The following CC2D2B variants were observed in gnomAD, a reference collection of about 807,000 sequenced individuals.
The protein encoded by CC2D2B is protein CC2D2B.
A neutral mutation model predicts 161.2 loss-of-function variants in CC2D2B; 128 were observed. That is an observed-to-expected ratio of 0.79 (90% CI 0.69 to 0.92). CC2D2B has a LOEUF of 0.92. CC2D2B is among the 40% of genes least tolerant of loss of function. CC2D2B has a pLI of 0.00. For synonymous variants in CC2D2B, 391 were observed against 449.8 expected (o/e 0.87, Z 1.65); for missense variants, 1,173 against 1,375.1 (o/e 0.85, Z 2.32).
At chr10:96,025,170 T>TAAAAAAAAAAAAAAAAAAAAA (rs1564683762) in intron 33 of CC2D2B, among the ~76,000 whole-genome samples, 1 of 19,314 alleles carries the variant, frequency 5.2e-5, no homozygotes, top group Admixed American at 7.0e-4. Context: ...TATATATATA[T>TAAAAAAAAAAAAAAAAAAAAA]ATATATATAT....
rs1466619310 is a variant in CC2D2B, at chr10:95,934,448, A to AG, written c.337-3543_337-3542insG. On this transcript the variant is annotated intron_variant, in intron 6 of 34. Transcript: ENST00000646931. ...CACCACTGGGGTATGAAAAAAAAAAAACAAACAAACAAACAAAAAAACCTC... is the reference window on the plus strand; with the variant it reads ...CACCACTGGGGTATGAAAAAAAAAAAGACAAACAAACAAACAAAAAAACCTC... Among the ~76,000 whole-genome samples, 5 of 146,564 alleles carry AG rather than the reference A, an allele frequency of 3.4e-5. No individual in the cohort carries two copies. The East Asian group carries it at 9.9e-4, about 29-fold the overall frequency.
intron 32 of CC2D2B, 107 bp downstream of exon 32, chr10:96,019,931 A>G (rs2079380600): frequency 2.0e-6 from 2 of 999,728 alleles, no homozygotes; most frequent in Non-Finnish European, 2.8e-6. Context: ...GGTTACTGAA[A>G]TATTTGGCAA....
intron 30 of CC2D2B, among the ~76,000 whole-genome samples, chr10:96,017,711 G>C (rs1310267929): frequency 6.6e-6 from 1 of 152,054 alleles, no homozygotes; most frequent in Non-Finnish European, 1.5e-5. Context: ...AGGGAGGATT[G>C]CTTGAGCTCA....
chr10:96,009,888 G>A lies in CC2D2B; in HGVS notation c.3010G>A (p.Val1004Ile). The A allele has an allele frequency of 6.2e-7, 1 of 1,610,022 alleles. No homozygotes were observed. Among genetic ancestry groups the A allele is most frequent in the Non-Finnish European group, 8.5e-7 (1 of 1,177,262 alleles). Reference protein sequence around the residue: ...YIRKNWLGCIVFPFSALLQQS... With the variant: ...YIRKNWLGCIIFPFSALLQQS... ...AAGAAAGAATTGGCTTGGATGCATTGTCTTCCCTTTTTCTGCTCTTCTGCA... is the reference window on the plus strand; with the variant it reads ...AAGAAAGAATTGGCTTGGATGCATTATCTTCCCTTTTTCTGCTCTTCTGCA... The change falls in exon 26 of 35, where the codon GTC becomes ATC. Residue 1004 changes from valine to isoleucine, a missense_variant. Physicochemically the swap from Val to Ile is conservative, Grantham distance 29 (BLOSUM62 3). This residue lies in a region of CC2D2B where 598 missense variants were observed against 693.2 expected (regional missense o/e 0.86). Transcript: ENST00000646931.
intron 24 of CC2D2B, among the ~76,000 whole-genome samples, chr10:95,998,964 C>T (rs1291960096): frequency 6.6e-6 from 1 of 152,064 alleles, no homozygotes; most frequent in Non-Finnish European, 1.5e-5. Flanking sequence ...GCCTGTAATC[C>T]CAGCTACTTG....
intron 17 of CC2D2B, among the ~76,000 whole-genome samples, chr10:95,977,019 G>A (rs943292185): frequency 2.0e-5 from 3 of 152,096 alleles, no homozygotes; most frequent in African/African-American, 7.2e-5. Flanking sequence ...CAAAGTGTTG[G>A]GATTACAGGC....
chr10:95,916,819 T>C (rs943251471), intron 2 of CC2D2B, among the ~76,000 whole-genome samples: 1 of 152,216 alleles, frequency 6.6e-6, no homozygotes, highest in African/African-American at 2.4e-5. Flanking sequence ...ATATGGTCTA[T>C]TCTTGAGCAT....
In CC2D2B at chr10:96,025,190, A is replaced by AT. The variant is rs1564684381; in HGVS notation, c.3947+279_3947+280insT. On this transcript the variant is annotated intron_variant, in intron 33 of 34. Coordinates refer to ENST00000646931, the MANE Select transcript of CC2D2B (RefSeq NM_001349008.3). The stretch of plus-strand genomic sequence containing the variant: ...ATATATATATATATATATATAAAAA[A>AT]AAATATATATATATATATATATATA... Among the ~76,000 whole-genome samples, 282 of 52,900 alleles carry AT rather than the reference A, an allele frequency of 5.3e-3. 12 individuals are homozygous for AT. Among genetic ancestry groups the AT allele is most frequent in the East Asian group, 0.047 (57 of 1,224 alleles). 34.7% of individuals were successfully genotyped at this position (52,900 alleles called of 152,430 possible).
At chr10:96,018,892 G>A (rs2079326118) in intron 30 of CC2D2B, 1 of 195,944 alleles carries the variant, frequency 5.1e-6, no homozygotes, top group Admixed American at 5.6e-5. Context: ...CAACTCCTCA[G>A]GCTCAAGCGA....
At chr10:95,926,229 T>A (rs1205776194) in intron 5 of CC2D2B, among the ~76,000 whole-genome samples, 1 of 152,092 alleles carries the variant, frequency 6.6e-6, no homozygotes, top group Non-Finnish European at 1.5e-5. Flanking sequence ...TCAAGGTCAA[T>A]CCATTGAGTA....
At chr10:95,930,962 A>T (rs1265637319) in intron 6 of CC2D2B, among the ~76,000 whole-genome samples, 1 of 152,208 alleles carries the variant, frequency 6.6e-6, no homozygotes, top group East Asian at 1.9e-4. Flanking sequence ...AGGGAATGAT[A>T]TCAGCTCCTC....
chr10:95,978,459 C>T (rs1249490204), intron 17 of CC2D2B, among the ~76,000 whole-genome samples: 1 of 152,174 alleles, frequency 6.6e-6, no homozygotes, highest in African/African-American at 2.4e-5. Context: ...CAGGGCTCAA[C>T]AACTCTCCTG....
chr10:96,004,476 A>G (rs1048547692), intron 25 of CC2D2B, among the ~76,000 whole-genome samples: 2 of 152,222 alleles, frequency 1.3e-5, no homozygotes, highest in African/African-American at 4.8e-5. Flanking sequence ...AATATTATCA[A>G]GAACTTGGGA....
At chr10:95,917,323 C>T (rs891519747) in intron 2 of CC2D2B, among the ~76,000 whole-genome samples, 1 of 152,076 alleles carries the variant, frequency 6.6e-6, no homozygotes, top group Non-Finnish European at 1.5e-5. Context: ...ATCCGTTCAG[C>T]CACTCTATGT....
At chr10:95,945,117 T>C (rs557794278) in intron 9 of CC2D2B, among the ~76,000 whole-genome samples, 2 of 152,348 alleles carry the variant, frequency 1.3e-5, no homozygotes, top group East Asian at 3.9e-4. Context: ...TGTGGTGTCT[T>C]AATCTTGGAC....
chr10:96,025,168 T>TATATAAAAAAAAAAAA (rs1564683746), intron 33 of CC2D2B, among the ~76,000 whole-genome samples: 6 of 12,522 alleles, frequency 4.8e-4, no homozygotes, highest in Non-Finnish European at 7.5e-4. Context: ...TATATATATA[T>TATATAAAAAAAAAAAA]ATATATATAT....
intron 11 of CC2D2B, among the ~76,000 whole-genome samples, chr10:95,959,019 A>G (rs1564618925): frequency 6.6e-6 from 1 of 152,204 alleles, no homozygotes; most frequent in Non-Finnish European, 1.5e-5. Context: ...GAACATTACT[A>G]TAGATGCTGT....
At chr10:95,967,913 A>C (rs1420329862) in intron 14 of CC2D2B, among the ~76,000 whole-genome samples, 1 of 152,172 alleles carries the variant, frequency 6.6e-6, no homozygotes, top group East Asian at 1.9e-4. Flanking sequence ...GTTTCAACTT[A>C]GGGTTTATCT....
intron 9 of CC2D2B, among the ~76,000 whole-genome samples, chr10:95,942,374 T>G (rs952778121): frequency 6.6e-6 from 1 of 152,180 alleles, no homozygotes; most frequent in Non-Finnish European, 1.5e-5. Context: ...CTTCTACTTT[T>G]GCTTTTTAAA....
Sources: allele counts gnomAD v4.1 joint callset (sites outside exome capture counted in the v4.1 genomes callset), GRCh38; gene constraint gnomAD v4.1.1; regional missense constraint gnomAD v4.1.1; transcripts MANE v1.5; gene names NCBI Gene and HGNC (gene_info 2026-07-23, HGNC 2026-07-21).